Variants in WWOX observed in about 807,000 individuals in gnomAD.
WWOX encodes the protein WW domain containing oxidoreductase.
In WWOX, 69 loss-of-function variants were observed where a neutral mutation model predicts 46.2. The ratio of observed to expected loss-of-function variants is 1.49; its 90% CI spans 1.23 to 1.82. The LOEUF is 1.82. Among genes scored for constraint, WWOX ranks in the 40% most tolerant of loss-of-function variants. The pLI, the probability that WWOX is intolerant of heterozygous loss-of-function variation, is 0.00. For missense variants in WWOX, 919 were observed against 542.6 expected (o/e 1.69, Z -6.89); for synonymous variants, 359 against 202.6 (o/e 1.77, Z -6.56).
At chr16:79,096,112 C>A (rs999175965) in intron 8 of WWOX, among the ~76,000 whole-genome samples, 1 of 148,718 alleles carries the variant, frequency 6.7e-6, no homozygotes, top group African/African-American at 2.5e-5. Flanking sequence ...AACTGATCCG[C>A]CTGCCTCGGT....
intron 8 of WWOX, among the ~76,000 whole-genome samples, chr16:79,040,804 G>A (rs762160955): frequency 3.9e-5 from 6 of 151,960 alleles, no homozygotes; most frequent in African/African-American, 7.3e-5. Context: ...GTCCTTGTCC[G>A]GAGAGCTCGG....
At chr16:78,421,503 A>C (rs1379898527) in intron 6 of WWOX, among the ~76,000 whole-genome samples, 8 of 152,326 alleles carry the variant, frequency 5.3e-5, no homozygotes, top group African/African-American at 1.4e-4. Context: ...GGACTTAATC[A>C]CATTTGCGAA....
chr16:78,814,146 C>G (rs886948950), intron 8 of WWOX, among the ~76,000 whole-genome samples: 3 of 152,170 alleles, frequency 2.0e-5, no homozygotes, highest in Admixed American at 2.0e-4. Context: ...CCGGCCAGAT[C>G]CTCCCGCTGC....
intron 8 of WWOX, among the ~76,000 whole-genome samples, chr16:79,004,901 A>C (rs1297718590): frequency 6.6e-6 from 1 of 152,176 alleles, no homozygotes; most frequent in Non-Finnish European, 1.5e-5. Context: ...GGTTAATTTC[A>C]CAGCTTAATT....
At chr16:78,510,779 T>C (rs903963539) in intron 8 of WWOX, among the ~76,000 whole-genome samples, 5 of 152,250 alleles carry the variant, frequency 3.3e-5, no homozygotes, top group Admixed American at 3.3e-4. Flanking sequence ...CCTTTCATTT[T>C]GGCAGGAGTG....
chr16:78,821,212 T>C (rs188848674), intron 8 of WWOX, among the ~76,000 whole-genome samples: 5 of 152,222 alleles, frequency 3.3e-5, no homozygotes, highest in Admixed American at 3.3e-4. Flanking sequence ...CATCTACTTA[T>C]CCCTGCATGT....
At chr16:78,879,128 G>A (rs1449062787) in intron 8 of WWOX, among the ~76,000 whole-genome samples, 3 of 152,102 alleles carry the variant, frequency 2.0e-5, no homozygotes, top group Admixed American at 6.5e-5. Context: ...CTAAGTACTT[G>A]TTAAGGCAGA....
chr16:78,421,591 C>T (rs1376961403), intron 6 of WWOX, among the ~76,000 whole-genome samples: 2 of 152,114 alleles, frequency 1.3e-5, no homozygotes, highest in African/African-American at 4.8e-5. Flanking sequence ...ATGGGAGGTA[C>T]CATTCAACTC....
At chr16:78,438,903 G>A (rs1309903416) in intron 8 of WWOX, among the ~76,000 whole-genome samples, 1 of 152,142 alleles carries the variant, frequency 6.6e-6, no homozygotes, top group Non-Finnish European at 1.5e-5. Flanking sequence ...TAACCTTCGT[G>A]AAAGCCAAAC....
intron 8 of WWOX, among the ~76,000 whole-genome samples, chr16:78,903,568 C>G (rs770890417): frequency 7.9e-5 from 12 of 152,196 alleles, no homozygotes; most frequent in Non-Finnish European, 8.8e-5. Flanking sequence ...AGCCCCTCCT[C>G]CTTTTGTTAC....
chr16:78,760,694 G>C (rs7200361), intron 8 of WWOX, among the ~76,000 whole-genome samples: 10 of 152,152 alleles, frequency 6.6e-5, no homozygotes, highest in Non-Finnish European at 1.3e-4. Context: ...GCTGATTTCC[G>C]GGAGCAAAGC....
At chr16:78,409,715 C>A (rs8053989) in intron 6 of WWOX, among the ~76,000 whole-genome samples, 1 of 152,116 alleles carries the variant, frequency 6.6e-6, no homozygotes, top group Non-Finnish European at 1.5e-5. Flanking sequence ...ATTAAGGTGT[C>A]GGTATGGCTC....
intron 8 of WWOX, among the ~76,000 whole-genome samples, chr16:78,581,359 C>T (rs758974941): frequency 6.6e-6 from 1 of 152,096 alleles, no homozygotes; most frequent in Admixed American, 6.6e-5. Context: ...AATTGCTGTA[C>T]CCTTTTTCAT....
Position 79,015,269 on chromosome 16 carries a change from A to G in WWOX, c.1057-196339A>G, listed in dbSNP as rs79333475. Among the ~76,000 whole-genome samples the G allele has an allele frequency of 9.3e-3, 1,411 of 152,268 alleles. 27 individuals carry two copies. Among genetic ancestry groups the G allele is most frequent in the African/African-American group, 0.031 (1,278 of 41,556 alleles). ...CTAGCTAAGGGGAAAAAGCGAGACA[A>G]TGGGGTCAGAGGAAGCTCAGCTGAA... On this transcript the variant is annotated intron_variant, in intron 8 of 8. Transcript: ENST00000566780.
At chr16:78,399,233 G>C (rs1410876415) in intron 6 of WWOX, among the ~76,000 whole-genome samples, 1 of 152,222 alleles carries the variant, frequency 6.6e-6, no homozygotes, top group Admixed American at 6.5e-5. Flanking sequence ...GTACTGTTAG[G>C]TGAACTGAAC....
At chr16:79,189,799 A>T (rs1273943223) in intron 8 of WWOX, among the ~76,000 whole-genome samples, 1 of 149,066 alleles carries the variant, frequency 6.7e-6, no homozygotes, top group African/African-American at 2.5e-5. Flanking sequence ...TCCCGGTGGG[A>T]GGGGGGGGAT....
intron 8 of WWOX, among the ~76,000 whole-genome samples, chr16:78,921,188 G>C (rs200854241): frequency 3.3e-5 from 5 of 152,010 alleles, no homozygotes; most frequent in Non-Finnish European, 5.9e-5. Flanking sequence ...TGTAATGAGG[G>C]TATTCAAGTC....
intron 8 of WWOX, among the ~76,000 whole-genome samples, chr16:78,578,720 A>T (rs932748634): frequency 1.3e-5 from 2 of 152,202 alleles, no homozygotes; most frequent in African/African-American, 4.8e-5. Context: ...AAAAAGATCA[A>T]TATGATGCAT....
chr16:79,210,199 T>C (rs11150144), intron 8 of WWOX, among the ~76,000 whole-genome samples: 1 of 152,086 alleles, frequency 6.6e-6, no homozygotes, highest in South Asian at 2.1e-4. Context: ...ACCAACTCCA[T>C]TGTTACTAGA....
Sources: allele counts gnomAD v4.1 joint callset (sites outside exome capture counted in the v4.1 genomes callset), GRCh38; gene constraint gnomAD v4.1.1; transcripts MANE v1.5; gene names NCBI Gene and HGNC (gene_info 2026-07-23, HGNC 2026-07-21).